The following ARHGAP20 variants were observed in gnomAD, a reference collection of about 807,000 sequenced individuals.
ARHGAP20 encodes the protein rho GTPase-activating protein 20.
Under a neutral mutation model 73.7 loss-of-function variants are expected in ARHGAP20, and 34 were observed. That is an observed-to-expected ratio of 0.46 (90% CI 0.35 to 0.61). The LOEUF (loss-of-function observed/expected upper bound fraction) is 0.61, where lower values mean the gene tolerates loss of function less well. Among genes scored for constraint, ARHGAP20 ranks in the 20% least tolerant of loss-of-function variants. The pLI is 0.00. For synonymous variants in ARHGAP20, 523 were observed against 518.2 expected (o/e 1.01, Z -0.13); for missense variants, 1,314 against 1,420.9 (o/e 0.92, Z 1.21).
chr11:110,577,790 A>T lies in ARHGAP20; in HGVS notation c.*1580T>A. On this transcript the variant is annotated 3_prime_UTR_variant, in exon 15 of 15. Coordinates refer to ENST00000683387, the MANE Select transcript of ARHGAP20 (RefSeq NM_001384657.1). ...AGGGCCATGTCCCCAAGAGGTAGGT[A>T]GCACCTATAGCTAATACTGAAATAA... is the stretch of plus-strand genomic sequence containing the variant. The T allele has an allele frequency of 1.0e-6, 1 of 985,888 alleles. No homozygotes were observed. The highest frequency in any genetic ancestry group is 1.2e-6 in the Non-Finnish European group (1 of 829,916). The allele number at this position is 985,888 out of a possible 1,614,324, so 61.1% of individuals were successfully genotyped here. A position where few individuals can be genotyped will look rare whatever the true frequency, so the allele number is the denominator to read the frequency against.
intron 1 of ARHGAP20, 93 bp from the exon 2 acceptor site, chr11:110,690,722 T>C: frequency 1.7e-6 from 2 of 1,202,572 alleles, no homozygotes; most frequent in East Asian, 2.4e-5. Context: ...AAGTTTTGCA[T>C]TGCCTATCTT....
At chr11:110,636,185 A>C (rs1301718971) in intron 2 of ARHGAP20, among the ~76,000 whole-genome samples, 1 of 152,234 alleles carries the variant, frequency 6.6e-6, no homozygotes, top group East Asian at 1.9e-4. Context: ...CATTTCTGTC[A>C]AAACTATTCA....
intron 14 of ARHGAP20, 51 bp from the exon 15 acceptor site, chr11:110,581,276 C>T (rs1393867772): frequency 8.0e-6 from 12 of 1,503,260 alleles, no homozygotes; most frequent in Non-Finnish European, 1.1e-5. Flanking sequence ...CACAAATATA[C>T]TCATGCTTCC....
intron 1 of ARHGAP20, among the ~76,000 whole-genome samples, chr11:110,707,244 G>T (rs926832671): frequency 2.0e-5 from 3 of 152,026 alleles, no homozygotes; most frequent in African/African-American, 7.2e-5. Flanking sequence ...GAAACCAAAA[G>T]GTCAGAATAT....
At chr11:110,636,904 A>G (rs1390597401) in intron 2 of ARHGAP20, among the ~76,000 whole-genome samples, 3 of 151,968 alleles carry the variant, frequency 2.0e-5, no homozygotes, top group Non-Finnish European at 4.4e-5. Context: ...GTAAGACTAT[A>G]ACCTTCTATT....
chr11:110,605,517 CA>C (rs533071901), intron 9 of ARHGAP20, among the ~76,000 whole-genome samples: 266 of 151,600 alleles, frequency 1.8e-3, no homozygotes, highest in African/African-American at 2.9e-3. Context: ...ACACTTAAGG[CA>C]AAAAAAACTC....
At chr11:110,592,381 C>A (rs143465131) in intron 9 of ARHGAP20, among the ~76,000 whole-genome samples, 1 of 152,292 alleles carries the variant, frequency 6.6e-6, no homozygotes, top group East Asian at 1.9e-4. Flanking sequence ...GTTCTTCTCC[C>A]ATCCAGTTTT....
rs761078220 is a variant in ARHGAP20 at position 110,687,057 on chromosome 11, G to GACAC, written c.188+3486_188+3489dup. On this transcript the variant is annotated intron_variant, in intron 2 of 14. Transcript: ENST00000683387. ...AAACATATATATATATATATATATA[G>GACAC]ACACACACACACACACACACATATA... 7.6e-5 allele frequency among the ~76,000 whole-genome samples: 9 copies of GACAC among 117,674 alleles called. No individual in the cohort carries two copies. The East Asian group carries it at 7.7e-4, about 10-fold the overall frequency. 77.2% of individuals were successfully genotyped at this position (117,674 alleles called of 152,430 possible).
At chr11:110,643,333 T>C (rs1260047211) in intron 2 of ARHGAP20, among the ~76,000 whole-genome samples, 1 of 152,136 alleles carries the variant, frequency 6.6e-6, no homozygotes, top group Non-Finnish European at 1.5e-5. Context: ...TTGTTCTTGT[T>C]ATTCTAGTTC....
intron 2 of ARHGAP20, among the ~76,000 whole-genome samples, chr11:110,660,732 C>T (rs573869270): frequency 6.6e-6 from 1 of 152,286 alleles, no homozygotes; most frequent in East Asian, 1.9e-4. Context: ...CCTTAGGAAA[C>T]AAGCATGTGC....
At chr11:110,599,606 C>T (rs1948060192) in intron 9 of ARHGAP20, among the ~76,000 whole-genome samples, 1 of 152,194 alleles carries the variant, frequency 6.6e-6, no homozygotes, top group African/African-American at 2.4e-5. Context: ...GGCCAGGCTG[C>T]CAGTCCTGTG....
rs112576655 is a variant in ARHGAP20, at chr11:110,653,208, G to A, written c.189-22416C>T. 4.7e-3 allele frequency among the ~76,000 whole-genome samples: 712 copies of A among 152,060 alleles called. 2 individuals are homozygous for A. Among genetic ancestry groups the A allele is most frequent in the Middle Eastern group, 0.017 (5 of 294 alleles). On this transcript the variant is annotated intron_variant, in intron 2 of 14. Transcript: ENST00000683387. ...TGTCAAAAGCAATTGCAACAAAAGCGAAAATTGATAAGTGGGGTCTAATTA... is the reference window on the plus strand; with the variant it reads ...TGTCAAAAGCAATTGCAACAAAAGCAAAAATTGATAAGTGGGGTCTAATTA...
At chr11:110,601,507 C>A (rs1165087053) in intron 9 of ARHGAP20, among the ~76,000 whole-genome samples, 2 of 152,130 alleles carry the variant, frequency 1.3e-5, no homozygotes, top group Non-Finnish European at 2.9e-5. Context: ...CTTTAGCTGG[C>A]ATGTTTTTAA....
rs528665151 is a variant in ARHGAP20, at chr11:110,651,920, G to T, written c.189-21128C>A. Reference sequence around the variant, plus strand: ...GGCATCATCCTGATACCAAAACCTGGCAGAGATACAACAAAAAAAGAAAAC... The same window carrying T: ...GGCATCATCCTGATACCAAAACCTGTCAGAGATACAACAAAAAAAGAAAAC... On this transcript the variant is annotated intron_variant, in intron 2 of 14. Coordinates refer to ENST00000683387, the MANE Select transcript of ARHGAP20 (RefSeq NM_001384657.1). Among the ~76,000 whole-genome samples the T allele has an allele frequency of 2.0e-5, 3 of 152,038 alleles. No individual in the cohort carries two copies. The East Asian group carries it at 5.8e-4, about 29-fold the overall frequency.
intron 1 of ARHGAP20, among the ~76,000 whole-genome samples, chr11:110,704,893 A>AG (rs1950526058): frequency 6.6e-6 from 1 of 152,176 alleles, no homozygotes; most frequent in African/African-American, 2.4e-5. Context: ...TGAAGACATG[A>AG]GGGGTATGAG....
chr11:110,664,449 C>A (rs11213521), intron 2 of ARHGAP20, among the ~76,000 whole-genome samples: 22,360 of 152,068 alleles, frequency 0.15, 1,790 homozygotes, highest in South Asian at 0.29. Context: ...AAAGAAGGGG[C>A]CAGGCGCAAT....
At chr11:110,662,179 G>A (rs113406173) in intron 2 of ARHGAP20, among the ~76,000 whole-genome samples, 42 of 151,668 alleles carry the variant, frequency 2.8e-4, no homozygotes, top group African/African-American at 9.6e-4. Context: ...TATCAAAAAG[G>A]TTAAAATTTT....
At position 110,694,392 on chromosome 11, in the gene ARHGAP20, C is replaced by T. The variant is rs183757676; in HGVS notation, c.106-3763G>A. ...GCCATTACTTCCAATGGATCTTTGA[C>T]CCTCTGCTGTCTCCTCTGCAGTTAT... On this transcript the variant is annotated intron_variant, in intron 1 of 14. Transcript: ENST00000683387. 6.4e-4 allele frequency among the ~76,000 whole-genome samples: 97 copies of T among 151,858 alleles called. 1 individual carries two copies. In the Middle Eastern group the frequency reaches 0.01, roughly 16 times the overall value.
intron 2 of ARHGAP20, among the ~76,000 whole-genome samples, chr11:110,666,655 A>C (rs1949729818): frequency 6.6e-6 from 1 of 152,148 alleles, no homozygotes; most frequent in Admixed American, 6.6e-5. Flanking sequence ...TATCAGCACC[A>C]TTTTTTTCCA....
Sources: allele counts gnomAD v4.1 joint callset (sites outside exome capture counted in the v4.1 genomes callset), GRCh38; gene constraint gnomAD v4.1.1; transcripts MANE v1.5; gene names NCBI Gene and HGNC (gene_info 2026-07-23, HGNC 2026-07-21).